Variants in NIPBL observed in about 807,000 individuals in gnomAD.
NIPBL encodes the protein nipped-B-like protein.
A neutral mutation model predicts 321.8 loss-of-function variants in NIPBL; 19 were observed. The observed-to-expected ratio is 0.06, with a 90% CI of 0.04 to 0.09. The LOEUF (loss-of-function observed/expected upper bound fraction) is 0.09. Among genes scored for constraint, NIPBL ranks in the 10% least tolerant of loss-of-function variants. NIPBL has a pLI of 1.00. For missense variants in NIPBL, 2,210 were observed against 3,327.0 expected (o/e 0.66, Z 8.26); for synonymous variants, 1,106 against 1,114.1 (o/e 0.99, Z 0.14).
chr5:36,926,382 G>A (rs913872272), intron 1 of NIPBL, among the ~76,000 whole-genome samples: 1 of 152,202 alleles, frequency 6.6e-6, no homozygotes, highest in Admixed American at 6.5e-5. Context: ...TGGTAGATGG[G>A]CTGGCCAGAA....
At position 37,024,632 on chromosome 5, in the gene NIPBL, C is replaced by G; in HGVS notation, c.5622C>G (p.Asp1874Glu). 6.2e-7 allele frequency: 1 copy of G among 1,610,008 alleles called. No individual in the cohort carries two copies. Among genetic ancestry groups the G allele is most frequent in the Non-Finnish European group, 8.5e-7 (1 of 1,176,876 alleles). The change falls in exon 30 of 47, where the codon GAC (aspartate) becomes GAG (glutamate). Residue 1874 changes from aspartate (D) to glutamate (E), a missense_variant. By Grantham distance (45) the Asp-to-Glu change is conservative (BLOSUM62 2). This residue lies in a region of NIPBL where 49 missense variants were observed against 163.6 expected (regional missense o/e 0.30). Coordinates refer to ENST00000282516, the MANE Select transcript of NIPBL (RefSeq NM_133433.4). Reference protein sequence around the residue: ...VRKRVIKILRDICIEQPTFPK... With the variant: ...VRKRVIKILREICIEQPTFPK... ...AAAGAGTAATAAAGATTCTCAGAGA[C>G]ATTTGTATTGAACAACCAACATTTC...
chr5:37,031,297 T>C (rs1309649011), intron 32 of NIPBL, among the ~76,000 whole-genome samples: 1 of 152,204 alleles, frequency 6.6e-6, no homozygotes, highest in Non-Finnish European at 1.5e-5. Flanking sequence ...GTATGTCATT[T>C]TTAAATGTAT....
chr5:36,990,384 A>G (rs1370553018), intron 10 of NIPBL, among the ~76,000 whole-genome samples: 1 of 152,124 alleles, frequency 6.6e-6, no homozygotes, highest in Non-Finnish European at 1.5e-5. Context: ...TGCAAGTCTG[A>G]AAGTATTGTT....
chr5:36,992,087 G>C (rs942792109), intron 10 of NIPBL, among the ~76,000 whole-genome samples: 1 of 152,050 alleles, frequency 6.6e-6, no homozygotes, highest in Non-Finnish European at 1.5e-5. Flanking sequence ...CCATATTAAA[G>C]CCAGAGTATA....
At chr5:36,896,177 T>G (rs1746720585) in intron 1 of NIPBL, among the ~76,000 whole-genome samples, 1 of 152,256 alleles carries the variant, frequency 6.6e-6, no homozygotes, top group Non-Finnish European at 1.5e-5. Flanking sequence ...TACCATTTGT[T>G]GAAAAGACTA....
chr5:36,968,557 A>T (rs1305307022), intron 6 of NIPBL, among the ~76,000 whole-genome samples: 2 of 152,190 alleles, frequency 1.3e-5, no homozygotes, highest in East Asian at 3.9e-4. Flanking sequence ...CGTCTCAAAA[A>T]AAAAAGAAGA....
At chr5:37,025,277 G>A (rs921352213) in intron 30 of NIPBL, among the ~76,000 whole-genome samples, 2 of 152,088 alleles carry the variant, frequency 1.3e-5, no homozygotes, top group Non-Finnish European at 2.9e-5. Context: ...TGTGTTGATT[G>A]ATTTATTGAT....
chr5:37,057,058 G>A, intron 42 of NIPBL, 128 bp from the exon 43 acceptor site: 1 of 852,852 alleles, frequency 1.2e-6, no homozygotes, highest in South Asian at 1.5e-5. Flanking sequence ...CTCTCTCCGT[G>A]TGTGTCTGCT....
At chr5:36,951,936 T>C (rs1740338217) in intron 1 of NIPBL, among the ~76,000 whole-genome samples, 1 of 151,296 alleles carries the variant, frequency 6.6e-6, no homozygotes, top group Admixed American at 6.6e-5. Context: ...AAAGACAAGA[T>C]AGTTAATACC....
intron 34 of NIPBL, among the ~76,000 whole-genome samples, chr5:37,039,154 A>G (rs75762277): frequency 0.014 from 2,186 of 152,068 alleles, 58 homozygotes; most frequent in African/African-American, 0.051. Context: ...CATCTAATGC[A>G]CATTAATAAG....
chr5:37,023,995 T>C (rs1749970339), intron 29 of NIPBL, among the ~76,000 whole-genome samples: 1 of 151,828 alleles, frequency 6.6e-6, no homozygotes, highest in African/African-American at 2.4e-5. Context: ...TGAAACACTG[T>C]TTCTACTAAA....
At chr5:37,041,454 G>A (rs558263860) in intron 34 of NIPBL, among the ~76,000 whole-genome samples, 2 of 151,354 alleles carry the variant, frequency 1.3e-5, no homozygotes, top group East Asian at 1.9e-4. Context: ...TAGTAGAGAC[G>A]GGGTTTCACT....
At chr5:37,024,777 T>C in intron 30 of NIPBL, 58 bp downstream of exon 30, 1 of 1,330,218 alleles carries the variant, frequency 7.5e-7, no homozygotes, top group Admixed American at 1.9e-5. Context: ...GTTAAATGTT[T>C]ATTGCACCTA....
chr5:36,987,804 T>A (rs2149649531), intron 10 of NIPBL, among the ~76,000 whole-genome samples: 1 of 152,344 alleles, frequency 6.6e-6, no homozygotes, highest in East Asian at 1.9e-4. Context: ...AGTAGGCTTT[T>A]TTATTTAACT....
intron 6 of NIPBL, among the ~76,000 whole-genome samples, chr5:36,965,482 G>C (rs1373541122): frequency 1.3e-5 from 2 of 152,110 alleles, no homozygotes; most frequent in Non-Finnish European, 2.9e-5. Flanking sequence ...TAAGAAGATA[G>C]AGAATAGATT....
intron 1 of NIPBL, among the ~76,000 whole-genome samples, chr5:36,882,799 GT>G (rs1745603875): frequency 6.6e-6 from 1 of 151,622 alleles, no homozygotes; most frequent in Non-Finnish European, 1.5e-5. Flanking sequence ...TAGTGACACT[GT>G]TTTTCTTGTG....
At chr5:36,905,992 C>A (rs906652330) in intron 1 of NIPBL, among the ~76,000 whole-genome samples, 23 of 152,082 alleles carry the variant, frequency 1.5e-4, no homozygotes, top group Non-Finnish European at 1.6e-4. Flanking sequence ...GATCCGCCCA[C>A]CTTGGCCTCC....
chr5:36,925,859 C>T (rs1749322769), intron 1 of NIPBL, among the ~76,000 whole-genome samples: 1 of 152,122 alleles, frequency 6.6e-6, no homozygotes, highest in African/African-American at 2.4e-5. Flanking sequence ...TTATTTCTGT[C>T]CAACTAGACC....
intron 25 of NIPBL, 79 bp downstream of exon 25, chr5:37,019,479 T>C (rs1749377011): frequency 1.0e-6 from 1 of 991,210 alleles, no homozygotes; most frequent in African/African-American, 1.6e-5. Context: ...GGTAGCATGA[T>C]GAAGAGGAAA....
Sources: allele counts gnomAD v4.1 joint callset (sites outside exome capture counted in the v4.1 genomes callset), GRCh38; gene constraint gnomAD v4.1.1; regional missense constraint gnomAD v4.1.1; transcripts MANE v1.5; gene names NCBI Gene and HGNC (gene_info 2026-07-23, HGNC 2026-07-21).